Variants in KCNK10 observed in about 807,000 individuals in gnomAD.
KCNK10 encodes the protein potassium channel subfamily K member 10.
Under a neutral mutation model 47.7 loss-of-function variants are expected in KCNK10, and 25 were observed. That is an observed-to-expected ratio of 0.52 (90% confidence interval 0.38 to 0.73). KCNK10 has a LOEUF of 0.73. Among genes scored for constraint, KCNK10 ranks in the 30% least tolerant of loss-of-function variants. The pLI is 0.00. For missense variants in KCNK10, 563 were observed against 714.5 expected (o/e 0.79, Z 2.42); for synonymous variants, 303 against 285.6 (o/e 1.06, Z -0.61).
At chr14:88,263,632 AT>A in intron 1 of KCNK10, 81 bp from the exon 2 acceptor site, 1 of 1,255,704 alleles carries the variant, frequency 8.0e-7, no homozygotes, top group Non-Finnish European at 1.1e-6. Flanking sequence ...CAAAGCACAG[AT>A]GTCTTCTTTG....
At chr14:88,300,386 T>A (rs187923785) in intron 1 of KCNK10, among the ~76,000 whole-genome samples, 1 of 152,360 alleles carries the variant, frequency 6.6e-6, no homozygotes, top group Non-Finnish European at 1.5e-5. Flanking sequence ...GTTTCATCAC[T>A]CCAATTACAC....
Position 88,204,166 on chromosome 14 carries a change from C to G in KCNK10, c.682-11756G>C, listed in dbSNP as rs140387567. On this transcript the variant is annotated intron_variant, in intron 4 of 6. Coordinates refer to ENST00000319231, the MANE Select transcript of KCNK10 (RefSeq NM_138317.3). ...GAAAAGGGGGAGAGGTAGGAGAGAG[C>G]GAGAGGGAGAGGGCTAAGAAGAGAA... 4.6e-3 allele frequency among the ~76,000 whole-genome samples: 704 copies of G among 152,048 alleles called. 3 individuals carry two copies. The highest frequency in any genetic ancestry group is 0.017 in the African/African-American group (693 of 41,474).
chr14:88,279,930 T>C (rs184535435), intron 1 of KCNK10, among the ~76,000 whole-genome samples: 2 of 152,076 alleles, frequency 1.3e-5, no homozygotes, highest in Non-Finnish European at 2.9e-5. Flanking sequence ...CTTTTGCTTC[T>C]TCCTCATTTT....
chr14:88,296,293 A>C (rs140935616), intron 1 of KCNK10, among the ~76,000 whole-genome samples: 60 of 152,328 alleles, frequency 3.9e-4, no homozygotes, highest in African/African-American at 1.4e-3. Context: ...TAACTGTATG[A>C]CCTTGGACAA....
chr14:88,272,333 G>A (rs1887426971), intron 1 of KCNK10, among the ~76,000 whole-genome samples: 1 of 152,180 alleles, frequency 6.6e-6, no homozygotes, highest in South Asian at 2.1e-4. Context: ...TTTGACAGAG[G>A]TGTGGGGGAC....
chr14:88,218,800 G>T (rs1304535539), intron 4 of KCNK10, among the ~76,000 whole-genome samples: 2 of 152,230 alleles, frequency 1.3e-5, no homozygotes, highest in East Asian at 3.9e-4. Flanking sequence ...GAAAGAGGCC[G>T]CCTGCTTCCA....
rs77624436 is a variant in KCNK10 at position 88,223,501 on chromosome 14, G to A, written c.681+3874C>T. Among the ~76,000 whole-genome samples, 15 of 152,166 alleles carry A rather than the reference G, an allele frequency of 9.9e-5. No individual in the cohort carries two copies. In the East Asian group the frequency reaches 2.7e-3, roughly 28 times the overall value. On this transcript the variant is annotated intron_variant, in intron 4 of 6. Transcript: ENST00000319231. ...TGAGTGCACCTCAGAGGAATGAGAGGTCCCTGGAACTGAGTGCAGTACTGA... is the reference window on the plus strand; with the variant it reads ...TGAGTGCACCTCAGAGGAATGAGAGATCCCTGGAACTGAGTGCAGTACTGA...
At chr14:88,198,892 C>CTTATTTTATT (rs147609734) in intron 4 of KCNK10, among the ~76,000 whole-genome samples, 16,554 of 135,190 alleles carry the variant, frequency 0.12, 1,233 homozygotes, top group African/African-American at 0.17. Context: ...TCTCCTTTGT[C>CTTATTTTATT]TTATTTTATT....
intron 2 of KCNK10, among the ~76,000 whole-genome samples, chr14:88,251,609 A>G (rs1886802044): frequency 6.6e-6 from 1 of 152,256 alleles, no homozygotes; most frequent in East Asian, 1.9e-4. Flanking sequence ...GAATTAATGA[A>G]CAAATAACTT....
chr14:88,186,998 A>G lies in KCNK10; in HGVS notation c.1012-843T>C, dbSNP rs1202976965. Among the ~76,000 whole-genome samples the G allele has an allele frequency of 6.6e-6, 1 of 152,232 alleles. No homozygotes were observed. Among genetic ancestry groups the G allele is most frequent in the Non-Finnish European group, 1.5e-5 (1 of 68,050 alleles). The stretch of plus-strand genomic sequence containing the variant: ...CTTCCCTCTGCAAATGAGGAACTCA[A>G]ATTTGTGCATCCAGGAAAGTCAATA... On this transcript the variant is annotated intron_variant, in intron 6 of 6. Coordinates refer to ENST00000319231, the MANE Select transcript of KCNK10 (RefSeq NM_138317.3). The surrounding 1 kb of genome is among the most constrained non-coding windows in gnomAD (Gnocchi z 5.5).
intron 1 of KCNK10, among the ~76,000 whole-genome samples, chr14:88,287,969 A>G (rs1887802370): frequency 6.6e-6 from 1 of 152,046 alleles, no homozygotes; most frequent in Non-Finnish European, 1.5e-5. Flanking sequence ...GCAGTGTAGA[A>G]GTGTTCCCTT....
rs186860137 is a variant in KCNK10, at chr14:88,306,627, A to G, written c.52+16120T>C. On this transcript the variant is annotated intron_variant, in intron 1 of 6. Transcript: ENST00000319231. ...TGTCCCCATCATCCCCACTGCTATC[A>G]CAGCAACTGAGGAAGGGATACACCA... 4.8e-3 allele frequency among the ~76,000 whole-genome samples: 730 copies of G among 151,572 alleles called. 2 individuals carry two copies. Among genetic ancestry groups the G allele is most frequent in the Non-Finnish European group, 7.5e-3 (509 of 67,886 alleles).
rs570025610 is a variant in KCNK10, at chr14:88,269,411, T to A, written c.53-5860A>T. 6.6e-5 allele frequency among the ~76,000 whole-genome samples: 10 copies of A among 152,272 alleles called. No homozygotes were observed. The East Asian group carries it at 1.9e-3, about 29-fold the overall frequency. On this transcript the variant is annotated intron_variant, in intron 1 of 6. Transcript: ENST00000319231. ...GAGTTAATGGAAGAATTAACAAAGA[T>A]CTTACACGTGCATGAAGCTGTTTTT...
At chr14:88,210,099 C>T (rs1230475098) in intron 4 of KCNK10, among the ~76,000 whole-genome samples, 1 of 152,220 alleles carries the variant, frequency 6.6e-6, no homozygotes, top group African/African-American at 2.4e-5. Context: ...GTGGCAGACA[C>T]TGCTCTCAAG....
chr14:88,185,994 G>T lies in KCNK10; in HGVS notation c.1173C>A (p.Ala391=). The change falls in exon 7 of 7, where the codon GCC becomes GCA. Residue 391 remains alanine, a synonymous_variant. Coordinates refer to ENST00000319231, the MANE Select transcript of KCNK10 (RefSeq NM_138317.3). This position sits in a 1 kb window ranked among gnomAD's most constrained non-coding sequence, Gnocchi z 4.3. ...ERRRLGLDQR[A]HSLDMLSPEK... ...CGGGGGACAGCATGTCCAGTGAGTGGGCCCGCTGGTCCAGGCCCAGCCGCC... is the reference window on the plus strand; with the variant it reads ...CGGGGGACAGCATGTCCAGTGAGTGTGCCCGCTGGTCCAGGCCCAGCCGCC... The T allele has an allele frequency of 6.2e-7, 1 of 1,613,562 alleles. No individual in the cohort carries two copies. Among genetic ancestry groups the T allele is most frequent in the South Asian group, 1.1e-5 (1 of 91,030 alleles).
At chr14:88,222,374 C>A (rs985645685) in intron 4 of KCNK10, among the ~76,000 whole-genome samples, 1 of 152,074 alleles carries the variant, frequency 6.6e-6, no homozygotes, top group Non-Finnish European at 1.5e-5. Flanking sequence ...AAACATGAGT[C>A]ATTGTCAAAG....
At chr14:88,223,708 T>C (rs1464215744) in intron 4 of KCNK10, among the ~76,000 whole-genome samples, 1 of 152,186 alleles carries the variant, frequency 6.6e-6, no homozygotes, top group Admixed American at 6.5e-5. Context: ...AAAGGCGTTT[T>C]TGTTTGTTTG....
In KCNK10 at chr14:88,192,369, G is replaced by T; in HGVS notation, c.723C>A (p.Thr241=). 1.2e-6 allele frequency: 2 copies of T among 1,614,062 alleles called. No individual in the cohort carries two copies. The highest frequency in any genetic ancestry group is 1.7e-6 in the Non-Finnish European group (2 of 1,180,000). The part of the protein sequence containing the change: ...VSQTKIRVIS[T]ILFILAGCIV... ...TGCAGCCGGCCAAGATGAACAGGAT[G>T]GTTGAGATGACCCGGATCTTGGTCT... Residue 241 remains threonine (T), a synonymous_variant, in exon 5 of 7, where the codon ACC becomes ACA. Transcript: ENST00000319231.
Position 88,243,166 on chromosome 14 carries a change from T to TTGAGG in KCNK10, c.403-2347_403-2346insCCTCA, listed in dbSNP as rs1886529477. 3.3e-5 allele frequency among the ~76,000 whole-genome samples: 5 copies of TTGAGG among 152,346 alleles called. No individual in the cohort carries two copies. In the South Asian group the frequency reaches 1.0e-3, roughly 32 times the overall value. ...TTACCTATGTAACCCTCAAGGAAAG[T>TTGAGG]GTTTATCAGTTGAAAGGAAAAGGGA... On this transcript the variant is annotated intron_variant, in intron 2 of 6. Transcript: ENST00000319231.
Sources: allele counts gnomAD v4.1 joint callset (sites outside exome capture counted in the v4.1 genomes callset), GRCh38; gene constraint gnomAD v4.1.1; non-coding constraint Gnocchi (gnomAD v3.1); transcripts MANE v1.5; gene names NCBI Gene and HGNC (gene_info 2026-07-23, HGNC 2026-07-21).